Variants in MX1 observed in about 807,000 individuals in gnomAD.
The protein encoded by MX1 is MX dynamin like GTPase 1, also known as interferon-induced GTP-binding protein Mx1.
A neutral mutation model predicts 66.4 loss-of-function variants in MX1; 66 were observed. That is an observed-to-expected ratio of 0.99 (90% confidence interval 0.82 to 1.22). The LOEUF (loss-of-function observed/expected upper bound fraction) is 1.22. Ranked by LOEUF, MX1 falls within the 50% of genes most tolerant of loss-of-function variation. The pLI, the probability that MX1 is intolerant of heterozygous loss-of-function variation, is 0.00. For synonymous variants in MX1, 311 were observed against 318.1 expected (o/e 0.98, Z 0.24); for missense variants, 787 against 834.3 (o/e 0.94, Z 0.70).
intron 13 of MX1, among the ~76,000 whole-genome samples, chr21:41,448,047 C>T (rs8133682): frequency 0.44 from 66,619 of 152,108 alleles, 14,832 homozygotes; most frequent in Middle Eastern, 0.53. Flanking sequence ...ATATTTTTAA[C>T]AGAGTGAATG....
chr21:41,421,149 TAGAC>T (rs909227082), intron 1 of MX1, among the ~76,000 whole-genome samples: 66 of 152,338 alleles, frequency 4.3e-4, no homozygotes, highest in South Asian at 2.3e-3. Flanking sequence ...CTTTGCATCA[TAGAC>T]AGGGTAAAGA....
intron 8 of MX1, 130 bp downstream of exon 8, chr21:41,439,978 G>A: frequency 1.0e-6 from 1 of 977,124 alleles, no homozygotes; most frequent in Non-Finnish European, 1.5e-6. Context: ...TTAGTATTTG[G>A]AGGTGTGAGT....
intron 16 of MX1, among the ~76,000 whole-genome samples, chr21:41,455,300 C>G (rs1222450196): frequency 6.6e-6 from 1 of 152,186 alleles, no homozygotes; most frequent in Non-Finnish European, 1.5e-5. Flanking sequence ...GGGTCAACAT[C>G]CATTCCTCCA....
At chr21:41,443,652 G>T (rs891467542) in intron 10 of MX1, 136 bp from the exon 11 acceptor site, 5 of 744,376 alleles carry the variant, frequency 6.7e-6, no homozygotes, top group South Asian at 4.7e-5. Flanking sequence ...CTGAGTATTT[G>T]TTGGGTACCA....
At chr21:41,457,039 C>T (rs1407726513) in intron 16 of MX1, among the ~76,000 whole-genome samples, 3 of 152,208 alleles carry the variant, frequency 2.0e-5, no homozygotes, top group Non-Finnish European at 2.9e-5. Context: ...GGTTTACAGG[C>T]GTGAGCCACC....
rs369886435 is a variant in MX1, at chr21:41,436,140, G to A, written c.298+111G>A. ...TTTCTCACAGTTCTGGAGACTGGAA[G>A]TCCAAAATCAGGGTTTAGCTTCTCC... On this transcript the variant is annotated intron_variant, in intron 6 of 16. Transcript: ENST00000398598. The A allele has an allele frequency of 3.5e-4, 462 of 1,318,152 alleles. 2 individuals are homozygous for A. In the African/African-American group the frequency reaches 6.0e-3, roughly 17 times the overall value. The allele number at this position is 1,318,152 out of a possible 1,614,324, so 81.7% of individuals were successfully genotyped here. A position where few individuals can be genotyped will look rare whatever the true frequency, so the allele number is the denominator to read the frequency against.
At chr21:41,424,320 T>A (rs1490463858), upstream of MX1, among the ~76,000 whole-genome samples, 1 of 151,932 alleles carries the variant, frequency 6.6e-6, no homozygotes, top group East Asian at 1.9e-4. Flanking sequence ...GATGAACCCC[T>A]TGGATGAAGA....
At chr21:41,445,186 G>A (rs982903283) in intron 11 of MX1, among the ~76,000 whole-genome samples, 1 of 152,194 alleles carries the variant, frequency 6.6e-6, no homozygotes, top group South Asian at 2.1e-4. Flanking sequence ...CCGGGGCCTA[G>A]GACCCATGCA....
intron 13 of MX1, among the ~76,000 whole-genome samples, chr21:41,448,099 G>A (rs2090715862): frequency 6.6e-6 from 1 of 152,142 alleles, no homozygotes; most frequent in African/African-American, 2.4e-5. Flanking sequence ...AAATCCTTAT[G>A]GGAAAATATT....
upstream of MX1, chr21:41,421,252 C>G (rs1052646325): frequency 6.6e-6 from 1 of 152,328 alleles, no homozygotes; most frequent in Non-Finnish European, 1.5e-5. Context: ...CCACCTCCAG[C>G]CTTAAAGTGG....
upstream of MX1, among the ~76,000 whole-genome samples, chr21:41,423,880 G>T (rs1423836977): frequency 1.3e-5 from 2 of 152,230 alleles, no homozygotes; most frequent in Admixed American, 6.5e-5. Context: ...CACCAACTGG[G>T]AGTGAGCTGT....
At chr21:41,457,510 G>A (rs2090987269) in intron 16 of MX1, among the ~76,000 whole-genome samples, 1 of 152,126 alleles carries the variant, frequency 6.6e-6, no homozygotes, top group South Asian at 2.1e-4. Flanking sequence ...GATCCAGATG[G>A]CAGCAGAGGT....
chr21:41,458,521 C>A lies in MX1; in HGVS notation c.1759-7C>A. ...CCACCCTCCCGTGAACTGTTCTTTC[C>A]TTCCAGGAGGCCAGCAAGCGCATCT... On this transcript the variant is annotated splice_polypyrimidine_tract_variant and splice_region_variant and intron_variant, in intron 16 of 16. Transcript: ENST00000398598. 1 of 1,481,336 alleles carries A rather than the reference C, an allele frequency of 6.8e-7. No individual in the cohort carries two copies. Among genetic ancestry groups the A allele is most frequent in the South Asian group, 1.2e-5 (1 of 83,374 alleles). The allele number at this position is 1,481,336 out of a possible 1,614,324, so 91.8% of individuals were successfully genotyped here. A position where few individuals can be genotyped will look rare whatever the true frequency, so the allele number is the denominator to read the frequency against.
intron 10 of MX1, among the ~76,000 whole-genome samples, chr21:41,442,324 A>G (rs2146234888): frequency 6.6e-6 from 1 of 152,342 alleles, no homozygotes. Flanking sequence ...AGTGGACTAT[A>G]TCAGCTTGAG....
chr21:41,444,508 G>C (rs975454540), intron 11 of MX1, among the ~76,000 whole-genome samples: 1 of 151,484 alleles, frequency 6.6e-6, no homozygotes, highest in African/African-American at 2.4e-5. Flanking sequence ...TGTATTTTTA[G>C]TAGAGACAGG....
chr21:41,436,833 T>C (rs1016210750), intron 6 of MX1, among the ~76,000 whole-genome samples, 182 bp from the exon 7 acceptor site: 1 of 152,194 alleles, frequency 6.6e-6, no homozygotes, highest in Admixed American at 6.5e-5. Flanking sequence ...TCAGAATGCA[T>C]GTTCTTGAGG....
rs1443102268 is a variant in MX1, at chr21:41,432,087, T to C, written c.17T>C (p.Val6Ala). 2 of 1,614,026 alleles carry C rather than the reference T, an allele frequency of 1.2e-6. No individual in the cohort carries two copies. The highest frequency in any genetic ancestry group is 1.7e-6 in the Non-Finnish European group (2 of 1,180,016). The change falls in exon 5 of 17, where the codon GTG (valine) becomes GCG (alanine). Residue 6 changes from valine (V) to alanine (A), a missense_variant. By Grantham distance (64) the Val-to-Ala change is moderately conservative. Transcript: ENST00000398598. ...AGAAGGAAGATGGTTGTTTCCGAAGTGGACATCGCAAAAGCTGATCCAGCT... is the reference window on the plus strand; with the variant it reads ...AGAAGGAAGATGGTTGTTTCCGAAGCGGACATCGCAAAAGCTGATCCAGCT... MVVSE[V>A]DIAKADPAAA...
chr21:41,441,659 G>A lies in MX1; in HGVS notation c.731-57G>A, dbSNP rs1055095688. ...AGGCCGGGGGCGTGAGCAGTTGTTC[G>A]TTCACCTCTGCCTCGTGACTGAGCA... On this transcript the variant is annotated intron_variant, in intron 9 of 16. Coordinates refer to ENST00000398598, the MANE Select transcript of MX1 (RefSeq NM_002462.5). This position sits in a 1 kb window ranked among gnomAD's most constrained non-coding sequence, Gnocchi z 4.0. 135 of 1,581,778 alleles carry A rather than the reference G, an allele frequency of 8.5e-5. No individual in the cohort carries two copies. The highest frequency in any genetic ancestry group is 3.4e-4 in the Middle Eastern group (2 of 5,800).
chr21:41,449,101 G>A, intron 13 of MX1, 36 bp from the exon 14 acceptor site: 2 of 1,536,930 alleles, frequency 1.3e-6, no homozygotes, highest in Non-Finnish European at 1.8e-6. Flanking sequence ...GATTATTTTT[G>A]TAAAATAATT....
Sources: gnomAD v4.1 joint callset for allele counts (sites outside exome capture counted in the v4.1 genomes callset) on GRCh38, gnomAD v4.1.1 for gene constraint, Gnocchi (gnomAD v3.1) non-coding constraint, MANE v1.5 for transcripts, NCBI Gene and HGNC (gene_info 2026-07-23, HGNC 2026-07-21) for gene names.